FYCO1: variants seen among roughly 807,000 people sequenced by gnomAD.
FYCO1 encodes FYVE and coiled-coil domain-containing protein 1.
A neutral mutation model predicts 165.1 loss-of-function variants in FYCO1; 122 were observed. That is an observed-to-expected ratio of 0.74 (90% confidence interval 0.64 to 0.86). The LOEUF (loss-of-function observed/expected upper bound fraction) is 0.86, where lower values mean the gene tolerates loss of function less well. Among genes scored for constraint, FYCO1 ranks in the 40% least tolerant of loss-of-function variants. The pLI, the probability that FYCO1 is intolerant of heterozygous loss-of-function variation, is 0.00. For synonymous variants in FYCO1, 648 were observed against 742.5 expected, an observed-to-expected ratio of 0.87 and a Z score of 2.07; for missense variants, 1,702 against 1,810.3, an observed-to-expected ratio of 0.94 and a Z score of 1.09.
intron 1 of FYCO1, among the ~76,000 whole-genome samples, chr3:45,987,017 TAG>T (rs1185392159): frequency 2.0e-5 from 3 of 152,082 alleles, no homozygotes; most frequent in Non-Finnish European, 4.4e-5. Flanking sequence ...GAGGCTCACG[TAG>T]AGATATGGAT....
intron 17 of FYCO1, among the ~76,000 whole-genome samples, chr3:45,922,342 C>A (rs1305384564): frequency 6.6e-6 from 1 of 152,250 alleles, no homozygotes; most frequent in Admixed American, 6.5e-5. Flanking sequence ...TAACTGGGAG[C>A]CTGCTCGGGC....
intron 15 of FYCO1, among the ~76,000 whole-genome samples, chr3:45,936,118 T>G (rs1354283493): frequency 2.0e-5 from 3 of 152,162 alleles, no homozygotes; most frequent in African/African-American, 7.2e-5. Context: ...AGTGTACTGC[T>G]CATACAATAA....
At chr3:45,945,589 T>A (rs950108660) in intron 14 of FYCO1, 2 of 152,198 alleles carry the variant, frequency 1.3e-5, no homozygotes, top group African/African-American at 4.8e-5. Context: ...CCCTAAGTCC[T>A]AACCTGCCAA....
chr3:45,959,278 C>T (rs1331692695), intron 12 of FYCO1, 115 bp downstream of exon 12: 2 of 1,172,566 alleles, frequency 1.7e-6, no homozygotes, highest in Non-Finnish European at 2.5e-6. Flanking sequence ...ATGTGCTCTT[C>T]CTAAATAGTC....
intron 14 of FYCO1, among the ~76,000 whole-genome samples, chr3:45,943,315 G>GTATCAGTCA (rs775932140): frequency 4.6e-5 from 7 of 152,174 alleles, no homozygotes; most frequent in Non-Finnish European, 7.3e-5. Flanking sequence ...GGAGTGTGGG[G>GTATCAGTCA]TATCAGTCAC....
At chr3:45,924,462 T>C (rs60237998) in intron 16 of FYCO1, among the ~76,000 whole-genome samples, 34,765 of 152,096 alleles carry the variant, frequency 0.23, 4,190 homozygotes, top group East Asian at 0.3. Flanking sequence ...GGGTGTGTGC[T>C]AGACAGGGCC....
chr3:45,969,625 T>C (rs993058884), intron 7 of FYCO1, 50 bp downstream of exon 7: 1 of 1,460,564 alleles, frequency 6.8e-7, no homozygotes, highest in African/African-American at 1.4e-5. Context: ...GGCAAGGACA[T>C]ACCCTGGTAG....
chr3:45,978,805 A>G (rs1415425734), intron 4 of FYCO1, among the ~76,000 whole-genome samples: 2 of 151,826 alleles, frequency 1.3e-5, no homozygotes, highest in Non-Finnish European at 2.9e-5. Flanking sequence ...AATAAACAGA[A>G]AGGAGAGTGT....
rs371624497 is a variant in FYCO1, at chr3:45,985,493, C to T, written c.-112-471G>A. Among the ~76,000 whole-genome samples, 23 of 152,308 alleles carry T rather than the reference C, an allele frequency of 1.5e-4. 1 individual carries two copies. The East Asian group carries it at 3.3e-3, about 22-fold the overall frequency. On this transcript the variant is annotated intron_variant, in intron 1 of 17. Transcript: ENST00000296137. Reference sequence around the variant, plus strand: ...CTCTGAAGAATGGTCAGTCTCTAGCCAGGCAGTGCTAGTTGGGGGAGAGGA... The same window carrying T: ...CTCTGAAGAATGGTCAGTCTCTAGCTAGGCAGTGCTAGTTGGGGGAGAGGA...
chr3:45,971,615 A>G (rs1166315507), intron 6 of FYCO1, among the ~76,000 whole-genome samples: 1 of 152,232 alleles, frequency 6.6e-6, no homozygotes, highest in Non-Finnish European at 1.5e-5. Context: ...CTTAACCTAA[A>G]TCCAATAATG....
At chr3:45,938,101 GC>G in intron 14 of FYCO1, 1 of 638,220 alleles carries the variant, frequency 1.6e-6, no homozygotes, top group East Asian at 6.7e-5. Context: ...CAATTTTCCC[GC>G]ATTCAGGATA....
rs780824015 is a variant in FYCO1, at chr3:45,967,794, G to T, written c.1540C>A (p.Gln514Lys). 10 of 1,613,896 alleles carry T rather than the reference G, an allele frequency of 6.2e-6. No individual in the cohort carries two copies. In the South Asian group the frequency reaches 1.1e-4, roughly 18 times the overall value. ...LEQEVRSLTRQLQFLETQLAQ... is the reference protein window; with the variant it reads ...LEQEVRSLTRKLQFLETQLAQ... ...AGCTGGGTCTCCAGGAACTGCAGCT[G>T]CCGGGTCAGAGACCTGACCTCCTGC... The change falls in exon 8 of 18, where the codon CAG becomes AAG. Residue 514 changes from glutamine to lysine, a missense_variant. Coordinates refer to ENST00000296137, the MANE Select transcript of FYCO1 (RefSeq NM_024513.4).
At chr3:45,975,511 C>A (rs1373615100) in intron 4 of FYCO1, among the ~76,000 whole-genome samples, 166 bp from the exon 5 acceptor site, 1 of 152,216 alleles carries the variant, frequency 6.6e-6, no homozygotes, top group Non-Finnish European at 1.5e-5. Context: ...ATACTCTTAC[C>A]GCAGAGAGTA....
intron 14 of FYCO1, chr3:45,938,359 T>C: frequency 5.5e-6 from 3 of 546,484 alleles, no homozygotes; most frequent in Non-Finnish European, 9.4e-6. Flanking sequence ...CTGTAGGTCA[T>C]GACCCATTTA....
intron 16 of FYCO1, among the ~76,000 whole-genome samples, 156 bp from the exon 17 acceptor site, chr3:45,923,921 A>G (rs1157846952): frequency 6.6e-6 from 1 of 152,216 alleles, no homozygotes; most frequent in African/African-American, 2.4e-5. Context: ...CAGTAGTGGC[A>G]CAGTGCCATC....
chr3:45,926,693 G>A (rs961158534), intron 16 of FYCO1, among the ~76,000 whole-genome samples: 2 of 152,182 alleles, frequency 1.3e-5, no homozygotes, highest in African/African-American at 2.4e-5. Flanking sequence ...GGCCAGGCAC[G>A]GTGGCTCACG....
chr3:45,979,860 G>T (rs752073354), intron 3 of FYCO1, 30 bp from the exon 4 acceptor site: 1 of 1,613,014 alleles, frequency 6.2e-7, no homozygotes. Flanking sequence ...GGGAGAGGAG[G>T]TCCAAACCCA....
chr3:45,989,460 C>T (rs1283197406), intron 1 of FYCO1, among the ~76,000 whole-genome samples: 1 of 152,194 alleles, frequency 6.6e-6, no homozygotes, highest in African/African-American at 2.4e-5. Flanking sequence ...CTGCCCTTCC[C>T]AGAGCTTCAA....
intron 16 of FYCO1, among the ~76,000 whole-genome samples, chr3:45,926,554 A>T (rs1208972147): frequency 6.6e-6 from 1 of 152,266 alleles, no homozygotes; most frequent in Non-Finnish European, 1.5e-5. Context: ...TCACAATTAT[A>T]GTTGGAGATT....
Sources: allele counts gnomAD v4.1 joint callset (sites outside exome capture counted in the v4.1 genomes callset), GRCh38; gene constraint gnomAD v4.1.1; transcripts MANE v1.5; gene names NCBI Gene and HGNC (gene_info 2026-07-23, HGNC 2026-07-21).